BBS9: variants seen among roughly 807,000 people sequenced by gnomAD.
The protein encoded by BBS9 is Bardet-Biedl syndrome 9, also known as protein PTHB1.
In BBS9, 89 loss-of-function variants were observed where a neutral mutation model predicts 117.7. The ratio of observed to expected loss-of-function variants is 0.76; its 90% CI spans 0.64 to 0.90. BBS9 has a LOEUF of 0.90. Among genes scored for constraint, BBS9 ranks in the 40% least tolerant of loss-of-function variants. The pLI is 0.00. For missense variants in BBS9, 982 were observed against 1,042.2 expected, an observed-to-expected ratio of 0.94 and a Z score of 0.80; for synonymous variants, 379 against 370.9, an observed-to-expected ratio of 1.02 and a Z score of -0.25.
At chr7:33,285,420 T>C (rs1802690562) in intron 9 of BBS9, among the ~76,000 whole-genome samples, 2 of 152,286 alleles carry the variant, frequency 1.3e-5, no homozygotes, top group South Asian at 2.1e-4. Context: ...AATTATGTCA[T>C]AGTTCGTATA....
At chr7:33,485,463 C>T (rs1584989436) in intron 19 of BBS9, among the ~76,000 whole-genome samples, 1 of 151,918 alleles carries the variant, frequency 6.6e-6, no homozygotes, top group Non-Finnish European at 1.5e-5. Context: ...GCGCCCGCCA[C>T]CACGCCTGGC....
chr7:33,602,891 A>G (rs1407030796), intron 21 of BBS9, among the ~76,000 whole-genome samples: 3 of 152,154 alleles, frequency 2.0e-5, no homozygotes, highest in African/African-American at 4.8e-5. Context: ...CCGTCTCTGT[A>G]TGTGGGATAG....
chr7:33,417,154 A>G (rs552418005), intron 19 of BBS9, among the ~76,000 whole-genome samples: 1 of 152,272 alleles, frequency 6.6e-6, no homozygotes, highest in East Asian at 1.9e-4. Context: ...TTAAACTTTT[A>G]TTGTGAATAT....
intron 9 of BBS9, among the ~76,000 whole-genome samples, chr7:33,333,685 A>T (rs982954409): frequency 6.6e-6 from 1 of 151,662 alleles, no homozygotes; most frequent in African/African-American, 2.4e-5. Context: ...GTCTCGGCTC[A>T]CTGCAACCTC....
intron 3 of BBS9, among the ~76,000 whole-genome samples, chr7:33,154,245 G>A (rs1241849075): frequency 1.3e-5 from 2 of 152,108 alleles, no homozygotes; most frequent in African/African-American, 4.8e-5. Context: ...TATATTAATT[G>A]TAACAATGTT....
chr7:33,596,632 C>T (rs537631800), intron 21 of BBS9, among the ~76,000 whole-genome samples: 343 of 152,240 alleles, frequency 2.3e-3, no homozygotes, highest in African/African-American at 7.9e-3. Flanking sequence ...ATCCATGATT[C>T]TTCCTCGCTA....
At chr7:33,502,317 T>G (rs1418970805) in intron 19 of BBS9, among the ~76,000 whole-genome samples, 1 of 152,102 alleles carries the variant, frequency 6.6e-6, no homozygotes, top group African/African-American at 2.4e-5. Flanking sequence ...TTTGTAACAT[T>G]TGTGGATTTT....
At chr7:33,411,446 A>T (rs1257933338) in intron 19 of BBS9, among the ~76,000 whole-genome samples, 1 of 152,184 alleles carries the variant, frequency 6.6e-6, no homozygotes, top group Non-Finnish European at 1.5e-5. Flanking sequence ...GAGCTATTTT[A>T]AAAACTTTGC....
In BBS9 at chr7:33,411,011, G is replaced by GTTTT. The variant is rs765425062; in HGVS notation, c.2115+22884_2115+22887dup. ...CCACAGAAGAACTTAAAATGTTGGTGTTTTTTTTTTTTTTTTTTTTGCTTT... is the reference window on the plus strand; with the variant it reads ...CCACAGAAGAACTTAAAATGTTGGTGTTTTTTTTTTTTTTTTTTTTTTTTGCTTT... On this transcript the variant is annotated intron_variant, in intron 19 of 22. Transcript: ENST00000242067. Among the ~76,000 whole-genome samples the GTTTT allele has an allele frequency of 1.5e-3, 145 of 96,404 alleles. 1 individual carries two copies. The highest frequency in any genetic ancestry group is 7.4e-3 in the Middle Eastern group (1 of 136). The allele number at this position is 96,404 out of a possible 152,430, so 63.2% of individuals were successfully genotyped here.
At chr7:33,555,094 T>G (rs1321712633) in intron 21 of BBS9, among the ~76,000 whole-genome samples, 1 of 152,234 alleles carries the variant, frequency 6.6e-6, no homozygotes, top group Non-Finnish European at 1.5e-5. Context: ...GTTTTAAACC[T>G]GTGTTGCTAA....
intron 5 of BBS9, among the ~76,000 whole-genome samples, chr7:33,227,231 TC>T (rs1791461664): frequency 6.6e-6 from 1 of 151,632 alleles, no homozygotes; most frequent in African/African-American, 2.4e-5. Flanking sequence ...CACTGCAACC[TC>T]CGCCTTCCAG....
chr7:33,301,302 T>A (rs1806381993), intron 9 of BBS9, among the ~76,000 whole-genome samples: 2 of 152,042 alleles, frequency 1.3e-5, no homozygotes, highest in South Asian at 4.1e-4. Flanking sequence ...TAATTATTTT[T>A]AAATATATAA....
intron 5 of BBS9, among the ~76,000 whole-genome samples, chr7:33,245,467 C>T (rs2128291250): frequency 6.6e-6 from 1 of 152,194 alleles, no homozygotes; most frequent in East Asian, 1.9e-4. Flanking sequence ...GTGTCACATA[C>T]CAAAACTAAT....
At chr7:33,597,048 A>ATCTC (rs148549968) in intron 21 of BBS9, among the ~76,000 whole-genome samples, 1,674 of 139,964 alleles carry the variant, frequency 0.012, 31 homozygotes, top group African/African-American at 0.043. Context: ...TATATGAATC[A>ATCTC]TCTCTCTCTC....
chr7:33,595,688 T>C (rs995757273), intron 21 of BBS9, among the ~76,000 whole-genome samples: 2 of 152,162 alleles, frequency 1.3e-5, no homozygotes, highest in Non-Finnish European at 2.9e-5. Flanking sequence ...TTACTGGGTA[T>C]ATACCCAAAG....
chr7:33,613,872 C>A (rs1009749301), intron 21 of BBS9, among the ~76,000 whole-genome samples: 1 of 152,008 alleles, frequency 6.6e-6, no homozygotes, highest in African/African-American at 2.4e-5. Context: ...TGGACTTCTA[C>A]CATTAGTCTA....
intron 19 of BBS9, among the ~76,000 whole-genome samples, chr7:33,441,602 G>T (rs1250826692): frequency 2.0e-5 from 3 of 152,046 alleles, no homozygotes; most frequent in Non-Finnish European, 4.4e-5. Context: ...AACACATGAA[G>T]CTTGAAAACC....
chr7:33,613,981 ACT>A (rs1304998716), intron 21 of BBS9, among the ~76,000 whole-genome samples: 1 of 152,090 alleles, frequency 6.6e-6, no homozygotes, highest in Non-Finnish European at 1.5e-5. Flanking sequence ...GCCATGACTA[ACT>A]CTACCAGTTG....
intron 9 of BBS9, among the ~76,000 whole-genome samples, chr7:33,294,951 G>C (rs1369148653): frequency 6.6e-6 from 1 of 152,042 alleles, no homozygotes; most frequent in African/African-American, 2.4e-5. Flanking sequence ...TGCTCTAGTT[G>C]GAAGTAACTT....
Sources: allele counts gnomAD v4.1 joint callset (sites outside exome capture counted in the v4.1 genomes callset), GRCh38; gene constraint gnomAD v4.1.1; transcripts MANE v1.5; gene names NCBI Gene and HGNC (gene_info 2026-07-23, HGNC 2026-07-21).